Variants in SNAPC4 observed in about 807,000 individuals in gnomAD.
SNAPC4 encodes the protein snRNA-activating protein complex subunit 4.
SNAPC4 carries 127 observed loss-of-function variants against 151.3 expected under a neutral mutation model. That is an observed-to-expected ratio of 0.84 (90% CI 0.73 to 0.97). The LOEUF is 0.97. Among genes scored for constraint, SNAPC4 ranks in the 50% least tolerant of loss-of-function variants. SNAPC4 has a pLI of 0.00. For synonymous variants in SNAPC4, 1,002 were observed against 824.4 expected, an observed-to-expected ratio of 1.22 and a Z score of -3.69; for missense variants, 2,186 against 1,935.0, an observed-to-expected ratio of 1.13 and a Z score of -2.43.
At chr9:136,389,626 A>G (rs1461281618) in intron 10 of SNAPC4, among the ~76,000 whole-genome samples, 2 of 152,204 alleles carry the variant, frequency 1.3e-5, no homozygotes, top group African/African-American at 4.8e-5. Flanking sequence ...TTCTGGGAAC[A>G]TAACACACTC....
Position 136,378,643 on chromosome 9 carries a change from G to A in SNAPC4, c.3184C>T (p.His1062Tyr), listed in dbSNP as rs1171422575. ...GTCGCCACATGTGGCCCTCCTATGT[G>A]CGTCAGGCTGAGGGGCTGGACGGGC... ...PLPVQPLSLT[H>Y]IGGPHVATSV... Residue 1062 changes from histidine to tyrosine, a missense_variant, in exon 22 of 24, where the codon CAC becomes TAC. His to Tyr is a moderately conservative substitution (Grantham distance 83). Transcript: ENST00000684778. 4 of 1,539,108 alleles carry A rather than the reference G, an allele frequency of 2.6e-6. No homozygotes were observed. The highest frequency in any genetic ancestry group is 3.5e-6 in the Non-Finnish European group (4 of 1,145,248).
chr9:136,384,611 C>A, intron 14 of SNAPC4, 109 bp downstream of exon 14: 1 of 591,080 alleles, frequency 1.7e-6, no homozygotes. Context: ...GTCGCACCAC[C>A]GCACCCCAGC....
In SNAPC4 at chr9:136,398,290, G is replaced by A. The variant is rs760157280; in HGVS notation, c.130+9C>T. On this transcript the variant is annotated intron_variant, in intron 2 of 23. Transcript: ENST00000684778. ...CAGGACCCCAGGAGGCTAGGTACAA[G>A]GGGCTTACCTGCTTCAGAATCTGAC... 1.8e-5 allele frequency: 29 copies of A among 1,610,200 alleles called. No individual in the cohort carries two copies. The highest frequency in any genetic ancestry group is 2.3e-5 in the Non-Finnish European group (27 of 1,177,088).
intron 10 of SNAPC4, among the ~76,000 whole-genome samples, chr9:136,390,804 T>C (rs1016815515): frequency 6.6e-6 from 1 of 151,504 alleles, no homozygotes; most frequent in Non-Finnish European, 1.5e-5. Context: ...CAGTAAAATA[T>C]ACATAGAAGA....
At chr9:136,381,553 C>A (rs764430321) in intron 18 of SNAPC4, among the ~76,000 whole-genome samples, 161 bp from the exon 19 acceptor site, 1 of 152,186 alleles carries the variant, frequency 6.6e-6, no homozygotes, top group Non-Finnish European at 1.5e-5. Context: ...ACAGCCACGC[C>A]TGGACAAGGG....
intron 22 of SNAPC4, among the ~76,000 whole-genome samples, chr9:136,377,193 G>A (rs972130051): frequency 5.3e-5 from 8 of 152,226 alleles, no homozygotes; most frequent in African/African-American, 1.7e-4. Context: ...CACCCTGGGA[G>A]CACACGTGTG....
chr9:136,383,543 G>A lies in SNAPC4; in HGVS notation c.1626C>T (p.Ser542=), dbSNP rs768642245. 6.0e-6 allele frequency: 5 copies of A among 826,976 alleles called. No individual in the cohort carries two copies. Among genetic ancestry groups the A allele is most frequent in the East Asian group, 3.3e-5 (1 of 30,426 alleles). 51.2% of individuals were successfully genotyped at this position (826,976 alleles called of 1,614,324 possible). The change falls in exon 16 of 24, where the codon AGC becomes AGT. Residue 542 remains serine, a synonymous_variant. Transcript: ENST00000684778. This position sits in a 1 kb window ranked among gnomAD's most constrained non-coding sequence, Gnocchi z 4.2. The part of the protein sequence containing the change: ...GGSSSSSSSS[S]EEDEPEQAQA... Reference sequence around the variant, plus strand: ...GCGCCTGCTCTGGCTCGTCCTCCTCGCTGCTGCTGCTGCTGCTGCTGCTGC... The same window carrying A: ...GCGCCTGCTCTGGCTCGTCCTCCTCACTGCTGCTGCTGCTGCTGCTGCTGC...
rs1232183291 is a variant in SNAPC4, at chr9:136,382,276, T to C, written c.2044A>G (p.Thr682Ala). Residue 682 changes from threonine (T) to alanine (A), a missense_variant, in exon 17 of 24, where the codon ACG (threonine) becomes GCG (alanine). Thr to Ala is a moderately conservative substitution (Grantham distance 58). Coordinates refer to ENST00000684778, the MANE Select transcript of SNAPC4 (RefSeq NM_003086.4). ...ETVLRVLRAN[T>A]AARSCTQKEQ... is the part of the protein sequence containing the mutation. ...ACCTGTGTGCAGCTCCGAGCAGCCG[T>C]GTTGGCCCTGAGCACCCTCAGCACG... is the stretch of plus-strand genomic sequence containing the variant. 1 of 1,612,960 alleles carries C rather than the reference T, an allele frequency of 6.2e-7. No homozygotes were observed. The highest frequency in any genetic ancestry group is 1.7e-5 in the Admixed American group (1 of 60,006).
At chr9:136,398,085 A>ATTC (rs1277896404) in intron 2 of SNAPC4, among the ~76,000 whole-genome samples, 1 of 151,998 alleles carries the variant, frequency 6.6e-6, no homozygotes, top group Non-Finnish European at 1.5e-5. Flanking sequence ...TATTATTATT[A>ATTC]TTTTTAGAGA....
Position 136,395,867 on chromosome 9 carries a change from G to A in SNAPC4, c.178-97C>T, listed in dbSNP as rs897992115. 76 of 1,258,944 alleles carry A rather than the reference G, an allele frequency of 6.0e-5. 1 individual carries two copies. The highest frequency in any genetic ancestry group is 1.6e-4 in the East Asian group (7 of 42,654). The allele number at this position is 1,258,944 out of a possible 1,614,324, so 78.0% of individuals were successfully genotyped here. On this transcript the variant is annotated intron_variant, in intron 3 of 23. Transcript: ENST00000684778. ...CCCATCGCTGGGCCTCTGGGACACC[G>A]AGGCAGCTCTGGCATAGCAACACCC...
intron 10 of SNAPC4, among the ~76,000 whole-genome samples, chr9:136,390,419 G>C (rs1429914396): frequency 1.3e-5 from 2 of 151,928 alleles, no homozygotes; most frequent in African/African-American, 4.8e-5. Flanking sequence ...GCCGGGCGTG[G>C]TGGTGGGCGC....
rs1288201939 is a variant in SNAPC4, at chr9:136,387,723, T to C, written c.1230+19A>G. 3 of 1,522,460 alleles carry C rather than the reference T, an allele frequency of 2.0e-6. No homozygotes were observed. The Admixed American group carries it at 5.0e-5, about 25-fold the overall frequency. The allele number at this position is 1,522,460 out of a possible 1,614,324, so 94.3% of individuals were successfully genotyped here. On this transcript the variant is annotated intron_variant, in intron 12 of 23. Transcript: ENST00000684778. ...TTACCTTCCCAGAGCCCAGTTCTCC[T>C]AGGGTCCCGCACACTTACAGCATCT...
intron 13 of SNAPC4, among the ~76,000 whole-genome samples, chr9:136,386,876 C>T (rs1833907654): frequency 6.6e-6 from 1 of 152,152 alleles, no homozygotes; most frequent in Non-Finnish European, 1.5e-5. Context: ...CCTCAGCCTC[C>T]CAAGTAGCTG....
chr9:136,382,163 C>G, intron 17 of SNAPC4, 90 bp from the exon 18 acceptor site: 2 of 1,580,420 alleles, frequency 1.3e-6, no homozygotes, highest in Non-Finnish European at 1.7e-6. Context: ...CCTCCACCCC[C>G]ATCAGGGCAT....
At chr9:136,385,529 C>A in intron 13 of SNAPC4, among the ~76,000 whole-genome samples, 1 of 151,824 alleles carries the variant, frequency 6.6e-6, no homozygotes, top group East Asian at 1.9e-4. Flanking sequence ...TTTACAGAAA[C>A]GCGGTATTTA....
chr9:136,387,925 G>A, intron 11 of SNAPC4, 77 bp from the exon 12 acceptor site: 1 of 847,980 alleles, frequency 1.2e-6, no homozygotes. Flanking sequence ...AGGGACAACA[G>A]GGTCCCGTGG....
intron 16 of SNAPC4, among the ~76,000 whole-genome samples, chr9:136,382,786 C>T (rs965311537): frequency 3.9e-5 from 6 of 152,198 alleles, no homozygotes; most frequent in African/African-American, 7.2e-5. Context: ...CCAGCCAAGA[C>T]GAGCAGACAC....
At position 136,383,604 on chromosome 9, in the gene SNAPC4, C is replaced by T; in HGVS notation, c.1565G>A (p.Ser522Asn). The T allele has an allele frequency of 6.2e-7, 1 of 1,612,156 alleles. No individual in the cohort carries two copies. The highest frequency in any genetic ancestry group is 8.5e-7 in the Non-Finnish European group (1 of 1,179,736). Residue 522 changes from serine to asparagine, a missense_variant, in exon 16 of 24, where the codon AGC becomes AAC. By Grantham distance (46) the Ser-to-Asn change is conservative. Coordinates refer to ENST00000684778, the MANE Select transcript of SNAPC4 (RefSeq NM_003086.4). The surrounding 1 kb of genome is among the most constrained non-coding windows in gnomAD (Gnocchi z 4.2). ...ARHSVRWSST[S>N]SSGSSSGSSG... is the part of the protein sequence containing the mutation. ...GCTGCCACTGCTGCTGCCGCTGCTG[C>T]TGGTAGAGCTCCACCGGACGCTGTG...
In SNAPC4 at chr9:136,392,555, G is replaced by A. The variant is rs1588762670; in HGVS notation, c.777C>T (p.Asp259=). ...TGGAAATCTTCTCCCAGTCGTGGCT[G>A]TCCAGCCTGTTTCCCAGCAAGGCCT... The part of the protein sequence containing the change: ...PEEALLGNRL[D]SHDWEKISNI... Residue 259 remains aspartate, a synonymous_variant, in exon 9 of 24, where the codon GAC becomes GAT. Transcript: ENST00000684778. The A allele has an allele frequency of 6.2e-7, 1 of 1,613,886 alleles. No individual in the cohort carries two copies. The highest frequency in any genetic ancestry group is 1.3e-5 in the African/African-American group (1 of 75,070).
Sources: gnomAD v4.1 joint callset for allele counts (sites outside exome capture counted in the v4.1 genomes callset) on GRCh38, gnomAD v4.1.1 for gene constraint, Gnocchi (gnomAD v3.1) non-coding constraint, MANE v1.5 for transcripts, NCBI Gene and HGNC (gene_info 2026-07-23, HGNC 2026-07-21) for gene names.